The following KCNV1 variants were observed in gnomAD, a reference collection of about 807,000 sequenced individuals.
The protein encoded by KCNV1 is potassium voltage-gated channel subfamily V member 1.
Under a neutral mutation model 36.4 loss-of-function variants are expected in KCNV1, and 2 were observed. That is an observed-to-expected ratio of 0.05 (90% CI 0.02 to 0.17). The LOEUF is 0.17. KCNV1 is among the 10% of genes least tolerant of loss of function. The pLI, the probability that KCNV1 is intolerant of heterozygous loss-of-function variation, is 1.00. For synonymous variants in KCNV1, 280 were observed against 261.1 expected (o/e 1.07, Z -0.70); for missense variants, 321 against 643.6 (o/e 0.50, Z 5.42).
chr8:109,969,697 C>G, intron 3 of KCNV1, among the ~76,000 whole-genome samples: 1 of 151,802 alleles, frequency 6.6e-6, no homozygotes, highest in East Asian at 1.9e-4. Context: ...ATAGCAAAAT[C>G]AGCCCAGCGT....
Position 109,967,791 on chromosome 8 carries a change from T to C in KCNV1, c.*297A>G, listed in dbSNP as rs187050897. On this transcript the variant is annotated 3_prime_UTR_variant, in exon 4 of 4. Coordinates refer to ENST00000524391, the MANE Select transcript of KCNV1 (RefSeq NM_014379.4). ...TAGTGATACATAAAATCTTTAACTT[T>C]TTTGTATGTATTGCAATAACATTAT... The C allele has an allele frequency of 8.4e-6, 2 of 239,326 alleles. No individual in the cohort carries two copies. Among genetic ancestry groups the C allele is most frequent in the Admixed American group, 9.9e-5 (2 of 20,104 alleles). 14.8% of individuals were successfully genotyped at this position (239,326 alleles called of 1,614,324 possible). A position where few individuals can be genotyped will look rare whatever the true frequency, so the allele number is the denominator to read the frequency against.
chr8:109,973,156 T>C (rs943068921), intron 2 of KCNV1, among the ~76,000 whole-genome samples: 9 of 152,046 alleles, frequency 5.9e-5, no homozygotes, highest in African/African-American at 2.2e-4. Context: ...AATTTTTGTA[T>C]TTTTAGTAGA....
chr8:109,968,568 C>T lies in KCNV1; in HGVS notation c.1023G>A (p.Gln341=). Residue 341 remains glutamine, a synonymous_variant, in exon 4 of 4, where the codon CAG becomes CAA. Transcript: ENST00000524391. The surrounding 1 kb of genome is among the most constrained non-coding windows in gnomAD (Gnocchi z 5.3). ...GCAGTAGGCCGACTTCTTCGTAACA[C>T]TGGGTGATTGTCATCCCAAGGGAGC... ...GLRSLGMTIT[Q]CYEEVGLLLL... 2 of 1,598,144 alleles carry T rather than the reference C, an allele frequency of 1.3e-6. No individual in the cohort carries two copies. The highest frequency in any genetic ancestry group is 1.7e-6 in the Non-Finnish European group (2 of 1,167,536).
rs1409869883 is a variant in KCNV1, at chr8:109,968,042, TTTTAG to T, written c.*41_*45del. 1.3e-6 allele frequency: 2 copies of T among 1,543,126 alleles called. No homozygotes were observed. The highest frequency in any genetic ancestry group is 3.7e-5 in the Admixed American group (2 of 53,522). On this transcript the variant is annotated 3_prime_UTR_variant, in exon 4 of 4. Transcript: ENST00000524391. This position sits in a 1 kb window ranked among gnomAD's most constrained non-coding sequence, Gnocchi z 5.3. ...AGAAATCCACATCACTGCTTTATCA[TTTTAG>T]TTAATTGTACATAGCTTTTGTAAAT...
Position 109,974,607 on chromosome 8 carries a change from C to T in KCNV1, c.-219G>A. 1.7e-6 allele frequency: 1 copy of T among 581,630 alleles called. No individual in the cohort carries two copies. The highest frequency in any genetic ancestry group is 2.2e-5 in the South Asian group (1 of 46,198). 36.0% of individuals were successfully genotyped at this position (581,630 alleles called of 1,614,324 possible). A position where few individuals can be genotyped will look rare whatever the true frequency, so the allele number is the denominator to read the frequency against. On this transcript the variant is annotated 5_prime_UTR_variant, in exon 2 of 4. Transcript: ENST00000524391. The surrounding 1 kb of genome is among the most constrained non-coding windows in gnomAD (Gnocchi z 6.2). ...GTGCGCGGAAGCAGCGCACAAGTGG[C>T]AGAAAGAGGAGACAGGGAGCAGAGG...
At position 109,972,143 on chromosome 8, in the gene KCNV1, T is replaced by C; in HGVS notation, c.991+115A>G. Reference sequence around the variant, plus strand: ...CCTTAGAGGTCATGATCAGGTAAAGTATGGGAGTTGGTAATTTTGAATATC... The same window carrying C: ...CCTTAGAGGTCATGATCAGGTAAAGCATGGGAGTTGGTAATTTTGAATATC... On this transcript the variant is annotated intron_variant, in intron 3 of 3. Transcript: ENST00000524391. The surrounding 1 kb of genome is among the most constrained non-coding windows in gnomAD (Gnocchi z 5.2). 9.3e-7 allele frequency: 1 copy of C among 1,072,308 alleles called. No homozygotes were observed. Among genetic ancestry groups the C allele is most frequent in the Non-Finnish European group, 1.3e-6 (1 of 758,496 alleles). 66.4% of individuals were successfully genotyped at this position (1,072,308 alleles called of 1,614,324 possible).
rs552153061 is a variant in KCNV1 at position 109,969,250 on chromosome 8, T to C, written c.992-651A>G. Among the ~76,000 whole-genome samples, 288 of 152,322 alleles carry C rather than the reference T, an allele frequency of 1.9e-3. 3 individuals are homozygous for C. Among genetic ancestry groups the C allele is most frequent in the African/African-American group, 6.6e-3 (273 of 41,566 alleles). ...TATTCAGGGGACATTCTCAGCAGTA[T>C]GTCAGGAGGAGGTCTGAACTCCCAA... is the stretch of plus-strand genomic sequence containing the variant. On this transcript the variant is annotated intron_variant, in intron 3 of 3. Coordinates refer to ENST00000524391, the MANE Select transcript of KCNV1 (RefSeq NM_014379.4).
intron 3 of KCNV1, among the ~76,000 whole-genome samples, chr8:109,970,773 G>A (rs192367587): frequency 1.1e-3 from 170 of 152,258 alleles, no homozygotes; most frequent in African/African-American, 4.0e-3. Context: ...GGAAATCACT[G>A]TTATTTTCCT....
In KCNV1 at chr8:109,972,860, C is replaced by G. The variant is rs1404519225; in HGVS notation, c.462-73G>C. 4.4e-5 allele frequency: 53 copies of G among 1,209,516 alleles called. No homozygotes were observed. In the Admixed American group the frequency reaches 1.2e-3, roughly 28 times the overall value. 74.9% of individuals were successfully genotyped at this position (1,209,516 alleles called of 1,614,324 possible). On this transcript the variant is annotated intron_variant, in intron 2 of 3. Transcript: ENST00000524391. This position sits in a 1 kb window ranked among gnomAD's most constrained non-coding sequence, Gnocchi z 5.2. ...AGAAGTATAAGATAATTAAACATGG[C>G]AGGGAGGTCAGACTTTTTCATTCAA...
intron 3 of KCNV1, among the ~76,000 whole-genome samples, chr8:109,971,663 T>G (rs1820012716): frequency 6.6e-6 from 1 of 151,922 alleles, no homozygotes. Flanking sequence ...AACCTTCAGA[T>G]ACTAGATAAA....
rs780932230 is a variant in KCNV1 at position 109,968,578 on chromosome 8, G to T, written c.1013C>A (p.Thr338Lys). ...HSTGLRSLGM[T>K]ITQCYEEVGL... ...GACTTCTTCGTAACACTGGGTGATT[G>T]TCATCCCAAGGGAGCGTAATCCTGC... is the stretch of plus-strand genomic sequence containing the variant. The change falls in exon 4 of 4, where the codon ACA becomes AAA. Residue 338 changes from threonine (T) to lysine (K), a missense_variant. Around this residue, in one of 5 missense-constraint regions of KCNV1, gnomAD observed 36 missense variants for 130.5 expected, o/e 0.28. Transcript: ENST00000524391. The surrounding 1 kb of genome is among the most constrained non-coding windows in gnomAD (Gnocchi z 5.3). The T allele has an allele frequency of 6.3e-7, 1 of 1,593,948 alleles. No individual in the cohort carries two copies.
intron 1 of KCNV1, among the ~76,000 whole-genome samples, 183 bp downstream of exon 1, chr8:109,975,436 A>C (rs921269567): frequency 1.3e-5 from 2 of 152,140 alleles, no homozygotes; most frequent in Non-Finnish European, 2.9e-5. Context: ...GAATAGAACA[A>C]GCGTGGGCTG....
At position 109,972,798 on chromosome 8, in the gene KCNV1, A is replaced by G; in HGVS notation, c.462-11T>C. On this transcript the variant is annotated splice_polypyrimidine_tract_variant and intron_variant, in intron 2 of 3. Coordinates refer to ENST00000524391, the MANE Select transcript of KCNV1 (RefSeq NM_014379.4). The surrounding 1 kb of genome is among the most constrained non-coding windows in gnomAD (Gnocchi z 5.2). ...TTCCTTCTGAAGTATCTTTTAGAGA[A>G]AACAATTTGGTGATTAGTCTAACTT... The G allele has an allele frequency of 6.4e-7, 1 of 1,566,872 alleles. No individual in the cohort carries two copies. The highest frequency in any genetic ancestry group is 1.4e-5 in the African/African-American group (1 of 72,936).
At position 109,964,119 on chromosome 8, in the gene KCNV1, TCCAGCATCTATAAGAAA is replaced by T. The variant is rs1819918273; in HGVS notation, c.*3952_*3968del. 1 of 151,574 alleles carries T rather than the reference TCCAGCATCTATAAGAAA, an allele frequency of 6.6e-6. No individual in the cohort carries two copies. Among genetic ancestry groups the T allele is most frequent in the South Asian group, 2.1e-4 (1 of 4,814 alleles). 9.4% of individuals were successfully genotyped at this position (151,574 alleles called of 1,614,324 possible). ...CTATACATCTACAAAAGTCTAATAT[TCCAGCATCTATAAGAAA>T]CTTAAACAAATTTACAAGAAAAAAA... On this transcript the variant is annotated 3_prime_UTR_variant, in exon 4 of 4. Transcript: ENST00000524391.
Position 109,972,650 on chromosome 8 carries a change from A to G in KCNV1, c.599T>C (p.Leu200Pro). The G allele has an allele frequency of 6.2e-7, 1 of 1,614,156 alleles. No individual in the cohort carries two copies. Among genetic ancestry groups the G allele is most frequent in the Non-Finnish European group, 8.5e-7 (1 of 1,180,036 alleles). The change falls in exon 3 of 4, where the codon CTG becomes CCG. Residue 200 changes from leucine to proline, a missense_variant. Physicochemically the swap from Leu to Pro is moderately conservative, Grantham distance 98 (BLOSUM62 -3). Coordinates refer to ENST00000524391, the MANE Select transcript of KCNV1 (RefSeq NM_014379.4). The surrounding 1 kb of genome is among the most constrained non-coding windows in gnomAD (Gnocchi z 5.2). ...PTVRQKLWNI[L>P]EKPGSSTAAR... ...AGCTGTGGAAGATCCAGGTTTCTCCAGGATATTCCAGAGCTTCTGGCGAAC... is the reference window on the plus strand; with the variant it reads ...AGCTGTGGAAGATCCAGGTTTCTCCGGGATATTCCAGAGCTTCTGGCGAAC...
At position 109,968,415 on chromosome 8, in the gene KCNV1, A is replaced by G. The variant is rs759401505; in HGVS notation, c.1176T>C (p.Thr392=). 1.2e-6 allele frequency: 2 copies of G among 1,614,176 alleles called. No individual in the cohort carries two copies. Among genetic ancestry groups the G allele is most frequent in the South Asian group, 1.1e-5 (1 of 91,086 alleles). The change falls in exon 4 of 4, where the codon ACT becomes ACC. Residue 392 remains threonine, a synonymous_variant. Coordinates refer to ENST00000524391, the MANE Select transcript of KCNV1 (RefSeq NM_014379.4). The surrounding 1 kb of genome is among the most constrained non-coding windows in gnomAD (Gnocchi z 5.3). ...AWWWATTSMT[T]VGYGDIRPDT... Reference sequence around the variant, plus strand: ...CTGGTCTAATGTCCCCATATCCCACAGTAGTCATAGAGGTGGTGGCCCACC... The same window carrying G: ...CTGGTCTAATGTCCCCATATCCCACGGTAGTCATAGAGGTGGTGGCCCACC...
chr8:109,968,451 A>G lies in KCNV1; in HGVS notation c.1140T>C (p.Pro380=). Reference sequence around the variant, plus strand: ...AGGTGGTGGCCCACCACCATGCACAAGGGACACTTGTGAAGGTTGTGTCAG... The same window carrying G: ...AGGTGGTGGCCCACCACCATGCACAGGGGACACTTGTGAAGGTTGTGTCAG... ...SIPDTTFTSV[P]CAWWWATTSM... is the part of the protein sequence containing the mutation. Residue 380 remains proline (P), a synonymous_variant, in exon 4 of 4, where the codon CCT becomes CCC. Coordinates refer to ENST00000524391, the MANE Select transcript of KCNV1 (RefSeq NM_014379.4). The surrounding 1 kb of genome is among the most constrained non-coding windows in gnomAD (Gnocchi z 5.3). 1.2e-6 allele frequency: 2 copies of G among 1,614,108 alleles called. No homozygotes were observed.
chr8:109,972,905 T>C lies in KCNV1; in HGVS notation c.462-118A>G, dbSNP rs1490756213. 1 of 730,736 alleles carries C rather than the reference T, an allele frequency of 1.4e-6. No homozygotes were observed. The highest frequency in any genetic ancestry group is 1.8e-5 in the African/African-American group (1 of 56,364). The allele number at this position is 730,736 out of a possible 1,614,324, so 45.3% of individuals were successfully genotyped here. On this transcript the variant is annotated intron_variant, in intron 2 of 3. Coordinates refer to ENST00000524391, the MANE Select transcript of KCNV1 (RefSeq NM_014379.4). The surrounding 1 kb of genome is among the most constrained non-coding windows in gnomAD (Gnocchi z 5.2). ...ATTCAACAAAATGCAGAAAAATGTCTATTCATATTTTACTTAGGTTGTGTC... is the reference window on the plus strand; with the variant it reads ...ATTCAACAAAATGCAGAAAAATGTCCATTCATATTTTACTTAGGTTGTGTC...
Position 109,974,791 on chromosome 8 carries a change from G to A in KCNV1, c.-403C>T, listed in dbSNP as rs1030797575. ...AGGAGGTGTACAGATTGAATGACTC[G>A]CTACTTGGTGGGTGGAGGGGTTGGG... is the stretch of plus-strand genomic sequence containing the variant. On this transcript the variant is annotated 5_prime_UTR_variant, in exon 2 of 4. Transcript: ENST00000524391. This position sits in a 1 kb window ranked among gnomAD's most constrained non-coding sequence, Gnocchi z 6.2. 4.8e-6 allele frequency: 1 copy of A among 206,228 alleles called. No homozygotes were observed. The highest frequency in any genetic ancestry group is 9.7e-6 in the Non-Finnish European group (1 of 102,792). The allele number at this position is 206,228 out of a possible 1,614,324, so 12.8% of individuals were successfully genotyped here.
Sources: allele counts gnomAD v4.1 joint callset (sites outside exome capture counted in the v4.1 genomes callset), GRCh38; gene constraint gnomAD v4.1.1; regional missense constraint gnomAD v4.1.1; non-coding constraint Gnocchi (gnomAD v3.1); transcripts MANE v1.5; gene names NCBI Gene and HGNC (gene_info 2026-07-23, HGNC 2026-07-21).